The following LRRC4C variants were observed in gnomAD, a reference collection of about 807,000 sequenced individuals.
The protein encoded by LRRC4C is leucine-rich repeat-containing protein 4C.
A neutral mutation model predicts 33.6 loss-of-function variants in LRRC4C; 5 were observed. The ratio of observed to expected loss-of-function variants is 0.15; its 90% CI spans 0.08 to 0.31. The LOEUF (loss-of-function observed/expected upper bound fraction) is 0.31. LRRC4C is among the 10% of genes least tolerant of loss of function. The pLI is 1.00. For synonymous variants in LRRC4C, 329 were observed against 302.0 expected (o/e 1.09, Z -0.93); for missense variants, 560 against 796.7 (o/e 0.70, Z 3.58).
At chr11:40,869,735 C>A (rs570960035) in intron 2 of LRRC4C, among the ~76,000 whole-genome samples, 1 of 152,190 alleles carries the variant, frequency 6.6e-6, no homozygotes, top group East Asian at 1.9e-4. Context: ...GGAGAAGGGA[C>A]GCAAGAACCT....
chr11:40,168,867 T>C (rs1859814481), intron 5 of LRRC4C, among the ~76,000 whole-genome samples: 2 of 152,130 alleles, frequency 1.3e-5, no homozygotes, highest in Non-Finnish European at 2.9e-5. Context: ...TAGGCAAAAA[T>C]CAAATCAGTG....
chr11:40,605,175 A>G (rs1170130639), intron 3 of LRRC4C, among the ~76,000 whole-genome samples: 1 of 152,176 alleles, frequency 6.6e-6, no homozygotes, highest in African/African-American at 2.4e-5. Flanking sequence ...GGCCTTCTGT[A>G]AGAGTAGCAT....
At chr11:40,869,041 T>C (rs764434289) in intron 2 of LRRC4C, among the ~76,000 whole-genome samples, 5 of 151,004 alleles carry the variant, frequency 3.3e-5, no homozygotes, top group Admixed American at 6.7e-5. Flanking sequence ...CAGTATCTCA[T>C]TCAGCCTTGA....
chr11:40,471,830 G>C (rs1952953405), intron 3 of LRRC4C, among the ~76,000 whole-genome samples: 1 of 152,102 alleles, frequency 6.6e-6, no homozygotes, highest in Non-Finnish European at 1.5e-5. Context: ...GACATCTACA[G>C]AACTCTCCAC....
chr11:40,337,656 C>G (rs1946687875), intron 3 of LRRC4C, among the ~76,000 whole-genome samples: 1 of 152,170 alleles, frequency 6.6e-6, no homozygotes, highest in African/African-American at 2.4e-5. Context: ...CCCAGAAGCG[C>G]TTGGGTTTGA....
At chr11:40,941,001 T>A (rs1333406719) in intron 1 of LRRC4C, among the ~76,000 whole-genome samples, 2 of 151,376 alleles carry the variant, frequency 1.3e-5, no homozygotes, top group Non-Finnish European at 2.9e-5. Context: ...ATAATATATT[T>A]AAAAATTCCA....
chr11:41,384,706 C>T (rs972651563), intron 1 of LRRC4C, among the ~76,000 whole-genome samples: 24 of 151,006 alleles, frequency 1.6e-4, no homozygotes, highest in Middle Eastern at 3.4e-3. Context: ...ACTTCACTGT[C>T]GGTTGATTCA....
intron 2 of LRRC4C, among the ~76,000 whole-genome samples, chr11:40,740,843 C>T (rs1167931021): frequency 6.6e-6 from 1 of 151,974 alleles, no homozygotes; most frequent in Non-Finnish European, 1.5e-5. Context: ...TTTCTTTCCA[C>T]ATGTGAATAA....
At chr11:40,788,858 C>T (rs1950517629) in intron 2 of LRRC4C, among the ~76,000 whole-genome samples, 1 of 151,878 alleles carries the variant, frequency 6.6e-6, no homozygotes, top group South Asian at 2.1e-4. Flanking sequence ...TATGGGAGGC[C>T]GAGGCAGGCG....
chr11:40,753,249 T>A (rs1443209735), intron 2 of LRRC4C, among the ~76,000 whole-genome samples: 1 of 151,942 alleles, frequency 6.6e-6, no homozygotes, highest in Non-Finnish European at 1.5e-5. Context: ...GTGACTACAG[T>A]TAGCAATAAT....
intron 1 of LRRC4C, among the ~76,000 whole-genome samples, chr11:41,093,260 G>T (rs1272918130): frequency 6.6e-6 from 1 of 152,138 alleles, no homozygotes; most frequent in Non-Finnish European, 1.5e-5. Flanking sequence ...GTAGCCAAAG[G>T]CAAGTCTAAT....
intron 3 of LRRC4C, among the ~76,000 whole-genome samples, chr11:40,474,426 A>G (rs1432652036): frequency 1.3e-5 from 2 of 152,200 alleles, no homozygotes; most frequent in East Asian, 3.9e-4. Flanking sequence ...TATAAAAAAA[A>G]TTAACTCAGG....
chr11:41,277,013 G>A (rs940582318), intron 1 of LRRC4C, among the ~76,000 whole-genome samples: 2 of 152,128 alleles, frequency 1.3e-5, no homozygotes, highest in African/African-American at 4.8e-5. Context: ...GCTCTTTATA[G>A]CAGTAACAAG....
chr11:41,165,419 G>T (rs1296256854), intron 1 of LRRC4C, among the ~76,000 whole-genome samples: 1 of 152,048 alleles, frequency 6.6e-6, no homozygotes. Flanking sequence ...TGTTTGGGTA[G>T]ATATGAGAAC....
At chr11:40,591,069 C>T (rs1478551060) in intron 3 of LRRC4C, among the ~76,000 whole-genome samples, 1 of 152,152 alleles carries the variant, frequency 6.6e-6, no homozygotes, top group Admixed American at 6.5e-5. Flanking sequence ...GGGCGCCCCT[C>T]CCCCAGCCTC....
At chr11:40,448,368 A>G (rs1951733190) in intron 3 of LRRC4C, among the ~76,000 whole-genome samples, 4 of 152,038 alleles carry the variant, frequency 2.6e-5, no homozygotes, top group Non-Finnish European at 1.5e-5. Flanking sequence ...CATCATCTAC[A>G]TTAGGTATTT....
intron 1 of LRRC4C, among the ~76,000 whole-genome samples, chr11:41,270,898 C>T (rs1045303531): frequency 2.6e-5 from 4 of 152,040 alleles, no homozygotes; most frequent in Admixed American, 1.3e-4. Context: ...TCTCTCTTAG[C>T]TTTAGGTAGC....
chr11:41,205,608 T>C (rs888428960), intron 1 of LRRC4C, among the ~76,000 whole-genome samples: 4 of 152,134 alleles, frequency 2.6e-5, no homozygotes, highest in Non-Finnish European at 5.9e-5. Context: ...TTTTTCCCAG[T>C]AGACTCTCAG....
intron 5 of LRRC4C, among the ~76,000 whole-genome samples, chr11:40,228,694 A>G (rs1864983731): frequency 6.6e-6 from 1 of 152,250 alleles, no homozygotes; most frequent in Non-Finnish European, 1.5e-5. Context: ...TTTCAAATAT[A>G]GGACGCTTGT....
Sources: allele counts gnomAD v4.1 joint callset (sites outside exome capture counted in the v4.1 genomes callset), GRCh38; gene constraint gnomAD v4.1.1; transcripts MANE v1.5; gene names NCBI Gene and HGNC (gene_info 2026-07-23, HGNC 2026-07-21).